ABCC9: variants seen among roughly 807,000 people sequenced by gnomAD.
The protein encoded by ABCC9 is ATP binding cassette subfamily C member 9.
Under a neutral mutation model 188.3 loss-of-function variants are expected in ABCC9, and 95 were observed. The observed-to-expected ratio is 0.50, with a 90% confidence interval of 0.43 to 0.60. ABCC9 has a LOEUF of 0.60. Among genes scored for constraint, ABCC9 ranks in the 20% least tolerant of loss-of-function variants. ABCC9 has a pLI of 0.00. For synonymous variants in ABCC9, 659 were observed against 652.7 expected (o/e 1.01, Z -0.15); for missense variants, 1,102 against 1,876.3 (o/e 0.59, Z 7.62).
intron 16 of ABCC9, among the ~76,000 whole-genome samples, chr12:21,878,344 C>T (rs1029918899): frequency 4.6e-5 from 7 of 152,086 alleles, no homozygotes; most frequent in Non-Finnish European, 8.8e-5. Context: ...TCTTTCAATT[C>T]GTGATATGAT....
At chr12:21,897,248 C>T (rs1411918056) in intron 12 of ABCC9, among the ~76,000 whole-genome samples, 1 of 152,132 alleles carries the variant, frequency 6.6e-6, no homozygotes, top group Non-Finnish European at 1.5e-5. Flanking sequence ...ATGTCCTTTG[C>T]CCACTTTTTA....
chr12:21,916,974 A>G lies in ABCC9; in HGVS notation c.536T>C (p.Leu179Pro), dbSNP rs1948623897. The change falls in exon 6 of 40, where the codon CTC (leucine) becomes CCC (proline). Residue 179 changes from leucine (L) to proline (P), a missense_variant. Physicochemically the swap from Leu to Pro is moderately conservative, Grantham distance 98. Around this residue, in one of 12 missense-constraint regions of ABCC9, gnomAD observed 305 missense variants for 573.0 expected, o/e 0.53. Coordinates refer to ENST00000261200, the MANE Select transcript of ABCC9 (RefSeq NM_020297.4). ...ITGMMVILNG[L>P]LMAVEINVIR... ...GACATTGATCTCCACAGCCATCAAG[A>G]GCCCATTCAAGATGACCATCATGCC... The G allele has an allele frequency of 1.2e-6, 2 of 1,613,756 alleles. No homozygotes were observed. Among genetic ancestry groups the G allele is most frequent in the Admixed American group, 3.3e-5 (2 of 59,978 alleles).
At chr12:21,885,206 C>T (rs902352662) in intron 15 of ABCC9, among the ~76,000 whole-genome samples, 1 of 152,168 alleles carries the variant, frequency 6.6e-6, no homozygotes, top group Admixed American at 6.5e-5. Context: ...TAAGCACTCT[C>T]AAGAAGGAGT....
chr12:21,908,538 C>T lies in ABCC9; in HGVS notation c.1321-327G>A, dbSNP rs189841163. 2.5e-3 allele frequency among the ~76,000 whole-genome samples: 374 copies of T among 152,026 alleles called. 6 individuals carry two copies. The highest frequency in any genetic ancestry group is 7.8e-3 in the African/African-American group (324 of 41,510). On this transcript the variant is annotated intron_variant, in intron 10 of 39. Transcript: ENST00000261200. ...TGACACTTCCAACCTTTTAAGTAGT[C>T]TTCAGATTTTTAAAAGGGCATAAAT...
chr12:21,855,254 C>G (rs1945161007), intron 22 of ABCC9, among the ~76,000 whole-genome samples: 3 of 152,132 alleles, frequency 2.0e-5, no homozygotes, highest in African/African-American at 4.8e-5. Context: ...GAGTCTCACT[C>G]TGTCGCCCAG....
intron 38 of ABCC9, among the ~76,000 whole-genome samples, chr12:21,806,756 C>T (rs1199792417): frequency 6.6e-6 from 1 of 152,116 alleles, no homozygotes; most frequent in Non-Finnish European, 1.5e-5. Flanking sequence ...AGCTCATATG[C>T]AGTTTGTGAT....
At position 21,940,714 on chromosome 12, in the gene ABCC9, G is replaced by A. The variant is rs983129151; in HGVS notation, c.-25C>T. On this transcript the variant is annotated 5_prime_UTR_variant, in exon 2 of 40. Coordinates refer to ENST00000261200, the MANE Select transcript of ABCC9 (RefSeq NM_020297.4). The stretch of plus-strand genomic sequence containing the variant: ...AATAAAGCAAAAAATAAATACCTTG[G>A]GCAATAGCTTCACGCTGCTTCAAAC... 2 of 152,014 alleles carry A rather than the reference G, an allele frequency of 1.3e-5. No homozygotes were observed. The highest frequency in any genetic ancestry group is 2.4e-5 in the African/African-American group (1 of 41,370). 9.4% of individuals were successfully genotyped at this position (152,014 alleles called of 1,614,324 possible).
At position 21,883,686 on chromosome 12, in the gene ABCC9, C is replaced by G. The variant is rs180744467; in HGVS notation, c.1912-813G>C. Among the ~76,000 whole-genome samples, 189 of 151,796 alleles carry G rather than the reference C, an allele frequency of 1.2e-3. 1 individual carries two copies. In the South Asian group the frequency reaches 0.022, roughly 18 times the overall value. The stretch of plus-strand genomic sequence containing the variant: ...AAATCAGATTGAGCTACACGGCACC[C>G]AGCTTCTGCTATGGATTGACAAAAG... On this transcript the variant is annotated intron_variant, in intron 15 of 39. Coordinates refer to ENST00000261200, the MANE Select transcript of ABCC9 (RefSeq NM_020297.4).
At chr12:21,861,195 C>A in intron 20 of ABCC9, 140 bp from the exon 21 acceptor site, 2 of 731,878 alleles carry the variant, frequency 2.7e-6, no homozygotes, top group Non-Finnish European at 4.8e-6. Context: ...CTCTACATTT[C>A]TGGATACAAA....
intron 23 of ABCC9, 43 bp downstream of exon 23, chr12:21,852,325 A>G (rs1945010598): frequency 6.2e-7 from 1 of 1,612,750 alleles, no homozygotes. Context: ...TATTTATATG[A>G]CTATAATATA....
intron 4 of ABCC9, among the ~76,000 whole-genome samples, chr12:21,932,678 C>T (rs528173309): frequency 6.6e-6 from 1 of 152,062 alleles, no homozygotes; most frequent in African/African-American, 2.4e-5. Context: ...AAATATAAAC[C>T]ACAATGAAAT....
chr12:21,851,791 C>T (rs1213054347), intron 24 of ABCC9, among the ~76,000 whole-genome samples: 2 of 152,032 alleles, frequency 1.3e-5, no homozygotes, highest in African/African-American at 4.8e-5. Context: ...AAGGAAACGC[C>T]ATGCTTCAGT....
intron 7 of ABCC9, 76 bp from the exon 8 acceptor site, chr12:21,913,142 T>C: frequency 7.7e-7 from 1 of 1,301,014 alleles, no homozygotes; most frequent in East Asian, 2.3e-5. Flanking sequence ...ATCTCATGTA[T>C]GGAAATTCCT....
At chr12:21,868,630 C>G (rs1945905123) in intron 18 of ABCC9, among the ~76,000 whole-genome samples, 1 of 152,116 alleles carries the variant, frequency 6.6e-6, no homozygotes, top group African/African-American at 2.4e-5. Flanking sequence ...CAGAGTGAGA[C>G]TCTGTCTCAA....
chr12:21,797,472 G>T lies in ABCC9; in HGVS notation c.*3572C>A, dbSNP rs535871170. On this transcript the variant is annotated 3_prime_UTR_variant, in exon 40 of 40. Coordinates refer to ENST00000261200, the MANE Select transcript of ABCC9 (RefSeq NM_020297.4). ...ATTGTAGAGAATAAACACATTTATT[G>T]TAGAGAACAAATACATTTTATATAT... 1 of 152,282 alleles carries T rather than the reference G, an allele frequency of 6.6e-6. No individual in the cohort carries two copies. The highest frequency in any genetic ancestry group is 2.1e-4 in the South Asian group (1 of 4,826). The allele number at this position is 152,282 out of a possible 1,614,324, so 9.4% of individuals were successfully genotyped here. A position where few individuals can be genotyped will look rare whatever the true frequency, so the allele number is the denominator to read the frequency against.
intron 35 of ABCC9, among the ~76,000 whole-genome samples, chr12:21,813,842 AATAAT>A: frequency 6.6e-6 from 1 of 152,042 alleles, no homozygotes; most frequent in South Asian, 2.1e-4. Flanking sequence ...GATTAAATTC[AATAAT>A]ATAAACTGTC....
chr12:21,838,237 T>C (rs1565722207), intron 29 of ABCC9, 67 bp from the exon 30 acceptor site: 4 of 1,166,458 alleles, frequency 3.4e-6, no homozygotes, highest in Non-Finnish European at 5.2e-6. Context: ...ATGTTTATTC[T>C]TTAAGAGAAA....
chr12:21,815,642 A>G (rs763461704), intron 34 of ABCC9, 121 bp downstream of exon 34: 1 of 1,206,424 alleles, frequency 8.3e-7, no homozygotes, highest in Non-Finnish European at 1.2e-6. Flanking sequence ...AGATAATTTG[A>G]CCTACATCAG....
intron 14 of ABCC9, among the ~76,000 whole-genome samples, chr12:21,890,150 TA>T (rs1272250660): frequency 6.6e-6 from 1 of 152,006 alleles, no homozygotes; most frequent in Non-Finnish European, 1.5e-5. Flanking sequence ...ATCACAGAGG[TA>T]AAACAATTAT....
Sources: gnomAD v4.1 joint callset for allele counts (sites outside exome capture counted in the v4.1 genomes callset) on GRCh38, gnomAD v4.1.1 for gene constraint, gnomAD v4.1.1 regional missense constraint, MANE v1.5 for transcripts, NCBI Gene and HGNC (gene_info 2026-07-23, HGNC 2026-07-21) for gene names.